Variants in GPHN observed in about 807,000 individuals in gnomAD.
GPHN encodes the protein gephyrin.
A neutral mutation model predicts 95.5 loss-of-function variants in GPHN; 17 were observed. The ratio of observed to expected loss-of-function variants is 0.18; its 90% CI spans 0.12 to 0.27. The LOEUF is 0.27. Ranked by LOEUF, GPHN falls within the 10% of genes least tolerant of loss-of-function variation. The pLI is 1.00. For synonymous variants in GPHN, 320 were observed against 322.5 expected, an observed-to-expected ratio of 0.99 and a Z score of 0.08; for missense variants, 660 against 978.1, an observed-to-expected ratio of 0.67 and a Z score of 4.34.
chr14:67,276,754 A>G, the GPHN span, among the ~76,000 whole-genome samples: 1 of 152,200 alleles, frequency 6.6e-6, no homozygotes, highest in East Asian at 1.9e-4. Flanking sequence ...TTTTTCTGAG[A>G]GCAAAGGTTG....
At chr14:67,127,253 TAAA>T (rs147026463) in intron 17 of GPHN, among the ~76,000 whole-genome samples, 1 of 144,852 alleles carries the variant, frequency 6.9e-6, no homozygotes. Flanking sequence ...TAAAGTATAA[TAAA>T]AAAAAAAAAA....
the GPHN span, among the ~76,000 whole-genome samples, chr14:67,361,782 T>C: frequency 6.6e-6 from 1 of 152,236 alleles, no homozygotes; most frequent in Non-Finnish European, 1.5e-5. Context: ...ATATTGAGGT[T>C]CTGTGGGTTA....
the GPHN span, chr14:67,335,359 C>T: frequency 6.6e-6 from 1 of 152,240 alleles, no homozygotes; most frequent in Non-Finnish European, 1.5e-5. Flanking sequence ...TCCTGTCCCT[C>T]TGTGGTTCTG....
At chr14:67,171,791 G>C (rs1321208313) in intron 21 of GPHN, among the ~76,000 whole-genome samples, 1 of 152,152 alleles carries the variant, frequency 6.6e-6, no homozygotes, top group Non-Finnish European at 1.5e-5. Flanking sequence ...GTCACATCGA[G>C]AACAGAAGGA....
At chr14:67,436,315 G>A in the GPHN span, among the ~76,000 whole-genome samples, 3 of 152,180 alleles carry the variant, frequency 2.0e-5, no homozygotes, top group Non-Finnish European at 4.4e-5. Flanking sequence ...GGGATATTGG[G>A]GTAGCCAGGC....
chr14:66,512,802 T>G (rs975644147), intron 1 of GPHN, among the ~76,000 whole-genome samples: 4 of 151,798 alleles, frequency 2.6e-5, no homozygotes, highest in Non-Finnish European at 5.9e-5. Flanking sequence ...TGTTTAAGCA[T>G]TTACTTTTTT....
chr14:66,883,795 G>T (rs2064045233), intron 5 of GPHN, among the ~76,000 whole-genome samples: 1 of 151,994 alleles, frequency 6.6e-6, no homozygotes, highest in South Asian at 2.1e-4. Flanking sequence ...TTGAGACTTG[G>T]GCAGTAGTAT....
At chr14:67,653,052 G>C in the GPHN span, among the ~76,000 whole-genome samples, 1 of 152,144 alleles carries the variant, frequency 6.6e-6, no homozygotes, top group African/African-American at 2.4e-5. Context: ...GCCTCCCAAG[G>C]TGCTGGGATT....
At chr14:67,465,839 G>T in the GPHN span, among the ~76,000 whole-genome samples, 3 of 152,196 alleles carry the variant, frequency 2.0e-5, no homozygotes, top group Non-Finnish European at 4.4e-5. Flanking sequence ...ACATGCAATG[G>T]TAAGTGTCTT....
chr14:66,844,805 C>G (rs1056927830), intron 4 of GPHN, among the ~76,000 whole-genome samples: 1 of 152,032 alleles, frequency 6.6e-6, no homozygotes, highest in Non-Finnish European at 1.5e-5. Context: ...CAGTTTTGTG[C>G]AACCGTCACC....
At chr14:66,793,235 A>G (rs2060037906) in intron 3 of GPHN, among the ~76,000 whole-genome samples, 1 of 152,250 alleles carries the variant, frequency 6.6e-6, no homozygotes, top group South Asian at 2.1e-4. Context: ...GTATAAGTGC[A>G]TATTTCTTGT....
the GPHN span, chr14:67,198,188 C>G: frequency 1.2e-6 from 2 of 1,613,594 alleles, no homozygotes; most frequent in Non-Finnish European, 1.7e-6. Flanking sequence ...GCAAGACTAC[C>G]ATGAGGATCA....
chr14:67,129,256 C>G (rs932480974), intron 17 of GPHN, among the ~76,000 whole-genome samples: 8 of 152,066 alleles, frequency 5.3e-5, no homozygotes, highest in South Asian at 4.1e-4. Context: ...GTATTGACAA[C>G]TGTAATCAAA....
At chr14:67,493,170 G>A in the GPHN span, among the ~76,000 whole-genome samples, 1 of 152,202 alleles carries the variant, frequency 6.6e-6, no homozygotes, top group Non-Finnish European at 1.5e-5. Context: ...AGAGTAGCTG[G>A]TGTTAGGCAC....
the GPHN span, among the ~76,000 whole-genome samples, chr14:67,634,790 A>C: frequency 6.6e-5 from 10 of 152,234 alleles, no homozygotes; most frequent in African/African-American, 2.4e-4. Context: ...AGAACCTAAG[A>C]GATTACAGTG....
At chr14:67,219,733 T>C in the GPHN span, among the ~76,000 whole-genome samples, 2 of 152,152 alleles carry the variant, frequency 1.3e-5, no homozygotes, top group African/African-American at 4.8e-5. Context: ...TCTTGAGAAT[T>C]AACAAATCTC....
intron 10 of GPHN, among the ~76,000 whole-genome samples, chr14:67,053,310 C>A (rs2075399660): frequency 1.3e-5 from 2 of 151,174 alleles, no homozygotes; most frequent in African/African-American, 2.4e-5. Flanking sequence ...GAAATATGAA[C>A]AACCATCAGA....
the GPHN span, chr14:67,619,846 A>T: frequency 1.6e-6 from 1 of 610,210 alleles, no homozygotes; most frequent in South Asian, 2.1e-5. Flanking sequence ...CGGCGGGGCC[A>T]ATGTGGCGGT....
At chr14:67,207,852 C>T in the GPHN span, among the ~76,000 whole-genome samples, 1 of 152,222 alleles carries the variant, frequency 6.6e-6, no homozygotes, top group Non-Finnish European at 1.5e-5. Context: ...TAAGACCAAA[C>T]TCAGACTGGG....
Sources: allele counts gnomAD v4.1 joint callset (sites outside exome capture counted in the v4.1 genomes callset), GRCh38; gene constraint gnomAD v4.1.1; transcripts MANE v1.5; gene names NCBI Gene and HGNC (gene_info 2026-07-23, HGNC 2026-07-21).